The following MCOLN3 variants were observed in gnomAD, a reference collection of about 807,000 sequenced individuals.
MCOLN3 encodes the protein mucolipin-3.
Under a neutral mutation model 69.4 loss-of-function variants are expected in MCOLN3, and 62 were observed. The ratio of observed to expected loss-of-function variants is 0.89; its 90% CI spans 0.73 to 1.10. The LOEUF is 1.10. MCOLN3 is among the 50% of genes least tolerant of loss of function. MCOLN3 has a pLI of 0.00. For missense variants in MCOLN3, 564 were observed against 656.4 expected (o/e 0.86, Z 1.54); for synonymous variants, 183 against 217.0 (o/e 0.84, Z 1.38).
intron 2 of MCOLN3, among the ~76,000 whole-genome samples, chr1:85,043,570 T>C (rs1319631134): frequency 6.6e-6 from 1 of 151,548 alleles, no homozygotes; most frequent in Non-Finnish European, 1.5e-5. Flanking sequence ...ATCTATAAAA[T>C]GTTTAGCCTG....
intron 12 of MCOLN3, 42 bp downstream of exon 12, chr1:85,021,028 T>C: frequency 6.9e-7 from 1 of 1,457,674 alleles, no homozygotes; most frequent in Non-Finnish European, 9.5e-7. Context: ...ACTCTACAAG[T>C]TATAGGACAA....
At position 85,041,196 on chromosome 1, in the gene MCOLN3, A is replaced by G. The variant is rs1653045555; in HGVS notation, c.229-19T>C. On this transcript the variant is annotated intron_variant, in intron 2 of 12. Transcript: ENST00000370589. ...AGACCAGCTTAAAAGAAAAAAAAGA[A>G]AAGGTAAGAGGGTGGAAAATGTGGG... is the stretch of plus-strand genomic sequence containing the variant. 2 of 1,607,130 alleles carry G rather than the reference A, an allele frequency of 1.2e-6. No individual in the cohort carries two copies. The highest frequency in any genetic ancestry group is 1.3e-5 in the African/African-American group (1 of 74,598).
At chr1:85,043,676 A>C (rs1653192999) in intron 2 of MCOLN3, among the ~76,000 whole-genome samples, 1 of 152,278 alleles carries the variant, frequency 6.6e-6, no homozygotes, top group African/African-American at 2.4e-5. Flanking sequence ...TAAGAAACTA[A>C]ACTTTTCACT....
rs1653501536 is a variant in MCOLN3 at position 85,048,425 on chromosome 1, C to T, written c.-32G>A. ...GGGACAGCGGGGAGCGGCCGCAGCT[C>T]CGGTGTCCGCGGCGAGGGCGCAGGG... On this transcript the variant is annotated 5_prime_UTR_variant, in exon 1 of 13. Coordinates refer to ENST00000370589, the MANE Select transcript of MCOLN3 (RefSeq NM_018298.11). 6.6e-6 allele frequency: 1 copy of T among 152,122 alleles called. No individual in the cohort carries two copies. The allele number at this position is 152,122 out of a possible 1,614,324, so 9.4% of individuals were successfully genotyped here.
chr1:85,035,273 G>A (rs1652749232), intron 3 of MCOLN3, among the ~76,000 whole-genome samples: 1 of 152,080 alleles, frequency 6.6e-6, no homozygotes, highest in African/African-American at 2.4e-5. Flanking sequence ...TTGGGTTCAG[G>A]CCTTGACCTC....
In MCOLN3 at chr1:85,027,400, C is replaced by T. The variant is rs547999287; in HGVS notation, c.833-1116G>A. Among the ~76,000 whole-genome samples the T allele has an allele frequency of 5.9e-5, 9 of 152,306 alleles. No homozygotes were observed. In the South Asian group the frequency reaches 6.2e-4, roughly 11 times the overall value. ...AGCATGATTATCCCCACTTTGCAGG[C>T]GAGAAACCTGAAGCACAGAGAGGTC... On this transcript the variant is annotated intron_variant, in intron 7 of 12. Transcript: ENST00000370589.
At chr1:85,022,684 T>C (rs898407361) in intron 9 of MCOLN3, 3 of 223,314 alleles carry the variant, frequency 1.3e-5, no homozygotes, top group African/African-American at 7.0e-5. Flanking sequence ...TTACATACAC[T>C]AAAAAGAAGG....
intron 6 of MCOLN3, 119 bp downstream of exon 6, chr1:85,032,577 C>T: frequency 2.6e-6 from 2 of 781,238 alleles, no homozygotes; most frequent in Middle Eastern, 2.4e-4. Flanking sequence ...CCCTTATGCA[C>T]ATTCAAGTGA....
intron 1 of MCOLN3, among the ~76,000 whole-genome samples, chr1:85,046,694 C>T (rs915207793): frequency 3.3e-5 from 5 of 152,234 alleles, no homozygotes; most frequent in East Asian, 3.9e-4. Flanking sequence ...CCAACATCTC[C>T]GAACAATAGA....
intron 7 of MCOLN3, 25 bp from the exon 8 acceptor site, chr1:85,026,309 T>C (rs1442978830): frequency 1.4e-6 from 2 of 1,436,682 alleles, no homozygotes; most frequent in African/African-American, 1.4e-5. Context: ...GATTACATAG[T>C]GCTTATGTAG....
chr1:85,033,972 C>G, intron 4 of MCOLN3, 126 bp downstream of exon 4: 1 of 1,016,948 alleles, frequency 9.8e-7, no homozygotes, highest in Non-Finnish European at 1.4e-6. Context: ...CATAATAACT[C>G]GTATATCATT....
intron 6 of MCOLN3, among the ~76,000 whole-genome samples, chr1:85,030,828 T>C (rs1652470558): frequency 6.6e-6 from 1 of 152,058 alleles, no homozygotes; most frequent in Admixed American, 6.5e-5. Flanking sequence ...ATCTTTAAAG[T>C]GCTAAAGAAA....
chr1:85,025,293 A>T (rs2102920077), intron 9 of MCOLN3: 1 of 152,332 alleles, frequency 6.6e-6, no homozygotes, highest in African/African-American at 2.4e-5. Context: ...TCCCCAGGTG[A>T]CTCAATCAGT....
intron 4 of MCOLN3, among the ~76,000 whole-genome samples, chr1:85,033,449 T>C (rs1330830667): frequency 6.6e-6 from 1 of 152,194 alleles, no homozygotes; most frequent in Non-Finnish European, 1.5e-5. Context: ...AGTACTGTTA[T>C]CAGTATTATC....
chr1:85,019,244 T>C lies in MCOLN3; in HGVS notation c.1541A>G (p.Asp514Gly). 1.2e-6 allele frequency: 2 copies of C among 1,613,668 alleles called. No individual in the cohort carries two copies. Among genetic ancestry groups the C allele is most frequent in the Non-Finnish European group, 1.7e-6 (2 of 1,179,784 alleles). The change falls in exon 13 of 13, where the codon GAT (aspartate) becomes GGT (glycine). Residue 514 changes from aspartate (D) to glycine (G), a missense_variant. Physicochemically the swap from Asp to Gly is moderately conservative, Grantham distance 94. Transcript: ENST00000370589. ...TYETIKQYQQ[D>G]GFPETELRTF... ...ACGAAGTTCAGTCTCTGGGAAGCCA[T>C]CTTGTTGGTATTGCTAAACAGAAGA... is the stretch of plus-strand genomic sequence containing the variant.
intron 6 of MCOLN3, among the ~76,000 whole-genome samples, chr1:85,031,467 C>T (rs139758289): frequency 9.9e-5 from 15 of 152,192 alleles, no homozygotes; most frequent in South Asian, 6.2e-4. Context: ...TTCATCATTA[C>T]ACACTGAATG....
chr1:85,023,577 T>G (rs1280799995), intron 9 of MCOLN3: 1 of 152,068 alleles, frequency 6.6e-6, no homozygotes, highest in Non-Finnish European at 1.5e-5. Context: ...GTTTTAGGTG[T>G]GTTAAATTTG....
chr1:85,048,062 G>A (rs1447021728), intron 1 of MCOLN3, among the ~76,000 whole-genome samples: 1 of 152,230 alleles, frequency 6.6e-6, no homozygotes, highest in East Asian at 1.9e-4. Flanking sequence ...GGCTCCGGGC[G>A]GGGGTGGCTT....
chr1:85,047,528 C>T (rs991333557), intron 1 of MCOLN3: 1 of 152,222 alleles, frequency 6.6e-6, no homozygotes, highest in African/African-American at 2.4e-5. Context: ...ACCGAAGTAT[C>T]TATCAGGCAT....
Sources: allele counts gnomAD v4.1 joint callset (sites outside exome capture counted in the v4.1 genomes callset), GRCh38; gene constraint gnomAD v4.1.1; transcripts MANE v1.5; gene names NCBI Gene and HGNC (gene_info 2026-07-23, HGNC 2026-07-21).